PSME4: variants seen among roughly 807,000 people sequenced by gnomAD.
PSME4 encodes the protein proteasome activator complex subunit 4.
In PSME4, 89 loss-of-function variants were observed where a neutral mutation model predicts 253.9. The observed-to-expected ratio is 0.35, with a 90% CI of 0.30 to 0.42. PSME4 has a LOEUF of 0.42. Among genes scored for constraint, PSME4 ranks in the 10% least tolerant of loss-of-function variants. The pLI, the probability that PSME4 is intolerant of heterozygous loss-of-function variation, is 1.00. For missense variants in PSME4, 2,014 were observed against 2,195.2 expected (o/e 0.92, Z 1.65); for synonymous variants, 851 against 759.2 (o/e 1.12, Z -1.99).
chr2:53,925,724 T>G (rs1668528608), intron 13 of PSME4, 35 bp from the exon 14 acceptor site: 1 of 1,581,072 alleles, frequency 6.3e-7, no homozygotes, highest in Admixed American at 1.7e-5. Context: ...TTTCAGCAAC[T>G]AAAATCTGGT....
rs1381955281 is a variant in PSME4 at position 53,911,140 on chromosome 2, G to A, written c.2517-1010C>T. On this transcript the variant is annotated intron_variant, in intron 20 of 46. Coordinates refer to ENST00000404125, the MANE Select transcript of PSME4 (RefSeq NM_014614.3). ...AATTCAGGTATTTATCTAAGTAATA[G>A]GTAAAAACATATTTCTAAAATGTCA... Among the ~76,000 whole-genome samples the A allele has an allele frequency of 2.0e-5, 3 of 152,130 alleles. No homozygotes were observed. The East Asian group carries it at 5.8e-4, about 29-fold the overall frequency.
At chr2:53,888,585 C>G (rs759267736) in intron 38 of PSME4, 136 bp downstream of exon 38, 4 of 570,786 alleles carry the variant, frequency 7.0e-6, no homozygotes, top group Non-Finnish European at 1.2e-5. Context: ...TTATATGGAA[C>G]CAGATCACAT....
At chr2:53,902,997 C>T (rs573212364) in intron 27 of PSME4, among the ~76,000 whole-genome samples, 2 of 152,254 alleles carry the variant, frequency 1.3e-5, no homozygotes, top group African/African-American at 4.8e-5. Flanking sequence ...CCTCTCCCTG[C>T]CTTCTGTGAT....
intron 44 of PSME4, among the ~76,000 whole-genome samples, chr2:53,869,125 G>C (rs1331943487): frequency 6.6e-6 from 1 of 152,114 alleles, no homozygotes; most frequent in Non-Finnish European, 1.5e-5. Flanking sequence ...TCTGGGCGGA[G>C]GGTAGACTGA....
chr2:53,937,361 T>G (rs760857759), intron 5 of PSME4, 30 bp downstream of exon 5: 2 of 1,501,878 alleles, frequency 1.3e-6, no homozygotes, highest in Non-Finnish European at 1.8e-6. Context: ...ACCGTATTTT[T>G]AGAATTTGTC....
At chr2:53,940,952 C>CATATTTTTATAT (rs61078234) in intron 3 of PSME4, among the ~76,000 whole-genome samples, 4 of 24,030 alleles carry the variant, frequency 1.7e-4, no homozygotes, top group African/African-American at 6.5e-4. Context: ...TATATATATA[C>CATATTTTTATAT]ATATATATAT....
intron 1 of PSME4, among the ~76,000 whole-genome samples, chr2:53,959,413 C>T (rs1670381023): frequency 6.6e-6 from 1 of 152,042 alleles, no homozygotes; most frequent in South Asian, 2.1e-4. Flanking sequence ...ACAGCTAGGG[C>T]TAAATGACAA....
intron 41 of PSME4, among the ~76,000 whole-genome samples, chr2:53,882,700 G>A (rs936605307): frequency 7.9e-5 from 12 of 152,078 alleles, no homozygotes; most frequent in Non-Finnish European, 1.6e-4. Context: ...GTGAACAACT[G>A]TCATAAAACC....
chr2:53,969,103 A>C (rs149130690), intron 1 of PSME4, among the ~76,000 whole-genome samples: 232 of 152,334 alleles, frequency 1.5e-3, no homozygotes, highest in African/African-American at 5.3e-3. Flanking sequence ...AAAACCTAGG[A>C]GTCTCACTTG....
intron 6 of PSME4, 52 bp from the exon 7 acceptor site, chr2:53,936,213 G>A: frequency 6.2e-7 from 1 of 1,607,150 alleles, no homozygotes. Context: ...TATTGTTTAA[G>A]TGTCATAGTC....
At chr2:53,884,240 C>T (rs1679532468) in intron 41 of PSME4, among the ~76,000 whole-genome samples, 1 of 152,090 alleles carries the variant, frequency 6.6e-6, no homozygotes, top group Non-Finnish European at 1.5e-5. Context: ...GAGATGGAGT[C>T]TTGCTCTGTT....
intron 20 of PSME4, among the ~76,000 whole-genome samples, chr2:53,915,905 T>C (rs1481179136): frequency 1.3e-5 from 2 of 151,996 alleles, no homozygotes; most frequent in African/African-American, 4.8e-5. Flanking sequence ...ACCCTATCTC[T>C]ACTAAAAATA....
chr2:53,918,499 G>A (rs805327), intron 20 of PSME4, among the ~76,000 whole-genome samples: 34,491 of 151,812 alleles, frequency 0.23, 4,337 homozygotes, highest in South Asian at 0.31. Context: ...GCGCCACCAC[G>A]TCCAGCTCAT....
At chr2:53,955,645 A>C (rs1027576404) in intron 1 of PSME4, among the ~76,000 whole-genome samples, 1 of 152,212 alleles carries the variant, frequency 6.6e-6, no homozygotes, top group African/African-American at 2.4e-5. Flanking sequence ...AAACAGGCCC[A>C]GCACAGTGGC....
intron 36 of PSME4, among the ~76,000 whole-genome samples, chr2:53,891,058 A>T (rs1371808749): frequency 1.3e-5 from 2 of 152,138 alleles, no homozygotes; most frequent in African/African-American, 4.8e-5. Context: ...CTCTCATATG[A>T]CTGATGTGTT....
At chr2:53,903,877 A>T (rs805427) in intron 27 of PSME4, 148 bp downstream of exon 27, 76,981 of 630,190 alleles carry the variant, frequency 0.12, 5,705 homozygotes, top group South Asian at 0.2. Context: ...ATTAAAAAAA[A>T]GAACAGATAT....
intron 27 of PSME4, 115 bp downstream of exon 27, chr2:53,903,910 A>G: frequency 3.4e-6 from 3 of 869,620 alleles, no homozygotes. Flanking sequence ...ATACAGCAAA[A>G]TCTTAAATAC....
Position 53,920,869 on chromosome 2 carries a change from A to G in PSME4, c.2262+20T>C, listed in dbSNP as rs550560951. 5.4e-5 allele frequency: 83 copies of G among 1,551,302 alleles called. No homozygotes were observed. The highest frequency in any genetic ancestry group is 4.8e-4 in the South Asian group (43 of 89,034). On this transcript the variant is annotated intron_variant, in intron 18 of 46. Coordinates refer to ENST00000404125, the MANE Select transcript of PSME4 (RefSeq NM_014614.3). The stretch of plus-strand genomic sequence containing the variant: ...AAAAATCAACATATTCTTGAATCCT[A>G]AAGTACTGAAAATGCTTGCCTTGAT...
At chr2:53,968,542 A>T (rs990572979) in intron 1 of PSME4, among the ~76,000 whole-genome samples, 1 of 152,216 alleles carries the variant, frequency 6.6e-6, no homozygotes, top group African/African-American at 2.4e-5. Context: ...GGTCACCTTA[A>T]CATGACTTAG....
Sources: allele counts gnomAD v4.1 joint callset (sites outside exome capture counted in the v4.1 genomes callset), GRCh38; gene constraint gnomAD v4.1.1; transcripts MANE v1.5; gene names NCBI Gene and HGNC (gene_info 2026-07-23, HGNC 2026-07-21).